Variants in KIF18A observed in about 807,000 individuals in gnomAD.
KIF18A encodes the protein kinesin-like protein KIF18A.
KIF18A carries 67 observed loss-of-function variants against 103.3 expected under a neutral mutation model. The observed-to-expected ratio is 0.65, with a 90% CI of 0.53 to 0.79. KIF18A has a LOEUF of 0.79. Ranked by LOEUF, KIF18A falls within the 30% of genes least tolerant of loss-of-function variation. The pLI is 0.00. For synonymous variants in KIF18A, 367 were observed against 355.5 expected (o/e 1.03, Z -0.36); for missense variants, 1,032 against 1,062.5 (o/e 0.97, Z 0.40).
At position 28,069,426 on chromosome 11, in the gene KIF18A, G is replaced by C; in HGVS notation, c.1426-3C>G. On this transcript the variant is annotated splice_polypyrimidine_tract_variant and splice_region_variant and intron_variant, in intron 10 of 16. Transcript: ENST00000263181. ...CTATGATCTCGTTTTCCAGTGGCCT[G>C]AAACACGATTCATTTAACAGTAAAT... 2 of 1,610,652 alleles carry C rather than the reference G, an allele frequency of 1.2e-6. No individual in the cohort carries two copies. Among genetic ancestry groups the C allele is most frequent in the Non-Finnish European group, 1.7e-6 (2 of 1,178,694 alleles).
At chr11:28,074,591 A>G (rs1851065690) in intron 10 of KIF18A, among the ~76,000 whole-genome samples, 1 of 152,184 alleles carries the variant, frequency 6.6e-6, no homozygotes, top group South Asian at 2.1e-4. Context: ...TATCAATGAT[A>G]CATTACTGAA....
intron 10 of KIF18A, among the ~76,000 whole-genome samples, chr11:28,073,369 T>C (rs1281475990): frequency 1.3e-5 from 2 of 152,100 alleles, no homozygotes; most frequent in Admixed American, 6.6e-5. Context: ...CCAGTACAAA[T>C]CTCATCTTTC....
Position 28,077,223 on chromosome 11 carries a change from CAA to C in KIF18A, c.1263-56_1263-55del, listed in dbSNP as rs1851105636. 1.2e-5 allele frequency: 16 copies of C among 1,305,422 alleles called. No individual in the cohort carries two copies. In the South Asian group the frequency reaches 1.8e-4, roughly 15 times the overall value. The allele number at this position is 1,305,422 out of a possible 1,614,324, so 80.9% of individuals were successfully genotyped here. A position where few individuals can be genotyped will look rare whatever the true frequency, so the allele number is the denominator to read the frequency against. On this transcript the variant is annotated intron_variant, in intron 9 of 16. Coordinates refer to ENST00000263181, the MANE Select transcript of KIF18A (RefSeq NM_031217.4). ...CTCACTAATTTTGTAGCAAATCATACAAAGTTTACTTAAGAGAAATGCATAAA... is the reference window on the plus strand; with the variant it reads ...CTCACTAATTTTGTAGCAAATCATACAGTTTACTTAAGAGAAATGCATAAA...
intron 4 of KIF18A, among the ~76,000 whole-genome samples, chr11:28,091,141 AATAAATAAATACATACATACATACATAC>A (rs1184521640): frequency 2.3e-5 from 3 of 128,444 alleles, no homozygotes; most frequent in African/African-American, 8.9e-5. Context: ...TAAATAAATA[AATAAATAAATACATACATACATACATAC>A]ATACATACAT....
Position 28,036,570 on chromosome 11 carries a change from A to G in KIF18A, c.2043T>C (p.Thr681=). ...LMPSPLKGQH[T]LKSPPSQSVQ... is the part of the protein sequence containing the mutation. ...CACTTTGAGATGGTGGAGACTTTAG[A>G]GTATGCTGTCCTTTCAAGGGAGATG... Residue 681 remains threonine, a synonymous_variant, in exon 14 of 17, where the codon ACT becomes ACC. Coordinates refer to ENST00000263181, the MANE Select transcript of KIF18A (RefSeq NM_031217.4). 6.2e-7 allele frequency: 1 copy of G among 1,610,934 alleles called. No homozygotes were observed. The highest frequency in any genetic ancestry group is 8.5e-7 in the Non-Finnish European group (1 of 1,178,000).
intron 11 of KIF18A, among the ~76,000 whole-genome samples, chr11:28,063,577 C>T (rs1358724220): frequency 1.3e-5 from 2 of 151,934 alleles, no homozygotes; most frequent in African/African-American, 4.8e-5. Context: ...TTTCCTTAAA[C>T]CTACTAAACC....
chr11:28,104,019 G>T (rs1851476054), intron 1 of KIF18A, among the ~76,000 whole-genome samples: 1 of 152,074 alleles, frequency 6.6e-6, no homozygotes, highest in Non-Finnish European at 1.5e-5. Context: ...GTTTAATGAG[G>T]TATTAAAATC....
chr11:28,060,796 T>G (rs1850847575), intron 12 of KIF18A, among the ~76,000 whole-genome samples: 2 of 152,310 alleles, frequency 1.3e-5, no homozygotes, highest in South Asian at 4.1e-4. Context: ...TTTTGATACA[T>G]CCTGGCAGAA....
chr11:28,107,705 C>A (rs953446313), intron 1 of KIF18A, among the ~76,000 whole-genome samples: 4 of 152,114 alleles, frequency 2.6e-5, no homozygotes, highest in South Asian at 2.1e-4. Flanking sequence ...CAAAACACTC[C>A]CAATTTGGAG....
Position 28,082,935 on chromosome 11 carries a change from C to T in KIF18A, c.1183G>A (p.Glu395Lys), listed in dbSNP as rs780548527. Residue 395 changes from glutamate (E) to lysine (K), a missense_variant, in exon 9 of 17, where the codon GAA becomes AAA. Coordinates refer to ENST00000263181, the MANE Select transcript of KIF18A (RefSeq NM_031217.4). The part of the protein sequence containing the change: ...LLLKEKLKAY[E>K]EQKAFTNEND... ...TCATTAGTGAAGGCTTTCTGTTCTT[C>T]ATAGGCTTTTAGTTTTTCTTTTAAC... 5.6e-6 allele frequency: 9 copies of T among 1,599,378 alleles called. No individual in the cohort carries two copies. Among genetic ancestry groups the T allele is most frequent in the Non-Finnish European group, 7.7e-6 (9 of 1,172,114 alleles).
intron 16 of KIF18A, among the ~76,000 whole-genome samples, chr11:28,023,539 A>G (rs1850272573): frequency 6.6e-6 from 1 of 152,178 alleles, no homozygotes. Flanking sequence ...TACCAATATA[A>G]TATCTGTGTG....
rs900015141 is a variant in KIF18A, at chr11:28,036,299, T to C, written c.2314A>G (p.Ile772Val). The C allele has an allele frequency of 6.2e-6, 10 of 1,610,308 alleles. No individual in the cohort carries two copies. Among genetic ancestry groups the C allele is most frequent in the African/African-American group, 4.0e-5 (3 of 74,698 alleles). Reference protein sequence around the residue: ...GQEDLDSTFTICEDIKSSKCK... With the variant: ...GQEDLDSTFTVCEDIKSSKCK... ...TTCGAGCTCTTGATGTCTTCACATATAGTAAATGTAGAGTCCAAGTCCTCC... is the reference window on the plus strand; with the variant it reads ...TTCGAGCTCTTGATGTCTTCACATACAGTAAATGTAGAGTCCAAGTCCTCC... Residue 772 changes from isoleucine to valine, a missense_variant, in exon 14 of 17, where the codon ATA (isoleucine) becomes GTA (valine). Coordinates refer to ENST00000263181, the MANE Select transcript of KIF18A (RefSeq NM_031217.4).
At chr11:28,096,752 G>C (rs1190418922) in intron 2 of KIF18A, among the ~76,000 whole-genome samples, 1 of 152,142 alleles carries the variant, frequency 6.6e-6, no homozygotes, top group Non-Finnish European at 1.5e-5. Flanking sequence ...TTATAGTTGT[G>C]AGCTGTCTTG....
chr11:28,022,694 A>T (rs756722792), intron 16 of KIF18A, among the ~76,000 whole-genome samples: 1 of 152,196 alleles, frequency 6.6e-6, no homozygotes, highest in African/African-American at 2.4e-5. Flanking sequence ...AGCATTATTA[A>T]ATACAACATG....
intron 13 of KIF18A, among the ~76,000 whole-genome samples, chr11:28,049,895 T>C (rs899409990): frequency 6.6e-6 from 1 of 151,434 alleles, no homozygotes; most frequent in Non-Finnish European, 1.5e-5. Context: ...AAACTTATCT[T>C]ATAAGATAAA....
intron 6 of KIF18A, among the ~76,000 whole-genome samples, chr11:28,085,604 C>T (rs1426857925): frequency 6.6e-6 from 1 of 152,150 alleles, no homozygotes; most frequent in Non-Finnish European, 1.5e-5. Flanking sequence ...GATCACGTGA[C>T]TTGCCTCACC....
At chr11:28,042,019 T>C (rs1850567021) in intron 13 of KIF18A, among the ~76,000 whole-genome samples, 1 of 151,710 alleles carries the variant, frequency 6.6e-6, no homozygotes, top group Admixed American at 6.6e-5. Context: ...TTCTGATCCA[T>C]GTAACTGTAG....
Position 28,097,934 on chromosome 11 carries a change from T to G in KIF18A, c.14A>C (p.Glu5Ala). Residue 5 changes from glutamate (E) to alanine (A), a missense_variant, in exon 2 of 17, where the codon GAG becomes GCG. Coordinates refer to ENST00000263181, the MANE Select transcript of KIF18A (RefSeq NM_031217.4). MSVT[E>A]EDLCHHMKVV... ...TTTCATATGGTGGCACAGGTCTTCC[T>G]CAGTGACAGACATTGTTGATTATCT... The G allele has an allele frequency of 6.3e-7, 1 of 1,575,162 alleles. No individual in the cohort carries two copies. The highest frequency in any genetic ancestry group is 8.6e-7 in the Non-Finnish European group (1 of 1,163,244).
intron 1 of KIF18A, among the ~76,000 whole-genome samples, chr11:28,105,644 T>A (rs1014303606): frequency 6.6e-6 from 1 of 152,300 alleles, no homozygotes; most frequent in East Asian, 1.9e-4. Context: ...CTCTCTTATA[T>A]TTCCTTACTT....
Sources: allele counts gnomAD v4.1 joint callset (sites outside exome capture counted in the v4.1 genomes callset), GRCh38; gene constraint gnomAD v4.1.1; transcripts MANE v1.5; gene names NCBI Gene and HGNC (gene_info 2026-07-23, HGNC 2026-07-21).